The following PKD1L1 variants were observed in gnomAD, a reference collection of about 807,000 sequenced individuals.
PKD1L1 encodes the protein polycystin-1-like protein 1.
In PKD1L1, 236 loss-of-function variants were observed where a neutral mutation model predicts 323.4. The observed-to-expected ratio is 0.73, with a 90% CI of 0.66 to 0.81. The LOEUF (loss-of-function observed/expected upper bound fraction) is 0.81, where lower values mean the gene tolerates loss of function less well. Ranked by LOEUF, PKD1L1 falls within the 40% of genes least tolerant of loss-of-function variation. The pLI, the probability that PKD1L1 is intolerant of heterozygous loss-of-function variation, is 0.00. For synonymous variants in PKD1L1, 1,344 were observed against 1,335.0 expected (o/e 1.01, Z -0.15); for missense variants, 3,320 against 3,508.0 (o/e 0.95, Z 1.35).
intron 15 of PKD1L1, among the ~76,000 whole-genome samples, chr7:47,892,671 C>A (rs1433937821): frequency 6.6e-6 from 1 of 152,080 alleles, no homozygotes; most frequent in Non-Finnish European, 1.5e-5. Flanking sequence ...ATCCATGTAA[C>A]AAAACTGCAC....
intron 41 of PKD1L1, 58 bp downstream of exon 41, chr7:47,833,032 A>G (rs1785379591): frequency 1.9e-5 from 30 of 1,544,852 alleles, no homozygotes; most frequent in East Asian, 4.6e-5. Context: ...GCCTCTCCCA[A>G]TGGCTGCAGG....
At chr7:47,958,392 A>G in the PKD1L1 span, among the ~76,000 whole-genome samples, 3 of 152,366 alleles carry the variant, frequency 2.0e-5, no homozygotes, top group South Asian at 4.1e-4. Flanking sequence ...ATCCACATGC[A>G]GAAGAATGAA....
chr7:47,956,081 T>C, the PKD1L1 span, among the ~76,000 whole-genome samples: 61 of 152,314 alleles, frequency 4.0e-4, 3 homozygotes, highest in South Asian at 0.012. Context: ...AAATACCCAG[T>C]GGCAAGATTA....
chr7:47,947,245 G>A (rs1030109437), intron 1 of PKD1L1, among the ~76,000 whole-genome samples: 3 of 152,206 alleles, frequency 2.0e-5, no homozygotes, highest in Non-Finnish European at 4.4e-5. Flanking sequence ...AAATGATGGT[G>A]ATGGCACAAA....
At chr7:47,827,672 A>AT (rs1441535879) in intron 44 of PKD1L1, among the ~76,000 whole-genome samples, 4 of 152,170 alleles carry the variant, frequency 2.6e-5, no homozygotes, top group Admixed American at 1.3e-4. Context: ...CATTTTTAAA[A>AT]ATCTGCTCAT....
chr7:47,831,347 T>A lies in PKD1L1; in HGVS notation c.6343A>T (p.Ser2115Cys). The A allele has an allele frequency of 6.2e-7, 1 of 1,612,008 alleles. No homozygotes were observed. Among genetic ancestry groups the A allele is most frequent in the Non-Finnish European group, 8.5e-7 (1 of 1,179,294 alleles). ...GGCATTAGTCCCTCCAAACCACTGC[T>A]GGGTGCTGCGGAAGAGTAGGACAGA... ...HCCPPHTQAP[S>C]SGLEGLMPQW... The change falls in exon 42 of 57, where the codon AGC becomes TGC. Residue 2115 changes from serine to cysteine, a missense_variant. Physicochemically the swap from Ser to Cys is moderately radical, Grantham distance 112. Coordinates refer to ENST00000289672, the MANE Select transcript of PKD1L1 (RefSeq NM_138295.5).
chr7:47,848,873 T>C (rs970387666), intron 31 of PKD1L1, among the ~76,000 whole-genome samples: 1 of 152,124 alleles, frequency 6.6e-6, no homozygotes, highest in Admixed American at 6.5e-5. Flanking sequence ...AAAATTCATA[T>C]GGAATCACAT....
chr7:47,943,523 A>G lies in PKD1L1; in HGVS notation c.45-12T>C. The stretch of plus-strand genomic sequence containing the variant: ...CAGCCTGGAGACACCTAAGGGAAAG[A>G]AAATAACCAGAGGAAAATTAAATTA... On this transcript the variant is annotated splice_polypyrimidine_tract_variant and intron_variant, in intron 1 of 56. Transcript: ENST00000289672. 1 of 1,602,608 alleles carries G rather than the reference A, an allele frequency of 6.2e-7. No homozygotes were observed. The highest frequency in any genetic ancestry group is 8.5e-7 in the Non-Finnish European group (1 of 1,170,366).
chr7:47,825,249 G>T (rs191745717), intron 45 of PKD1L1, among the ~76,000 whole-genome samples: 1 of 152,070 alleles, frequency 6.6e-6, no homozygotes, highest in African/African-American at 2.4e-5. Flanking sequence ...GGTCCTTTAG[G>T]CCAGGTGTGG....
Position 47,792,800 on chromosome 7 carries a change from G to T in PKD1L1, c.8356-3C>A, listed in dbSNP as rs921305386. 1.9e-6 allele frequency: 3 copies of T among 1,609,750 alleles called. No homozygotes were observed. In the African/African-American group the frequency reaches 4.0e-5, roughly 22 times the overall value. On this transcript the variant is annotated splice_region_variant and splice_polypyrimidine_tract_variant and intron_variant, in intron 55 of 56. Coordinates refer to ENST00000289672, the MANE Select transcript of PKD1L1 (RefSeq NM_138295.5). ...GCAAATTCATCCAAGTAGTAATTCT[G>T]AAGGGAAGAAAATTAGATTAGTAAA...
intron 2 of PKD1L1, among the ~76,000 whole-genome samples, chr7:47,942,519 G>A (rs999607459): frequency 1.4e-5 from 2 of 146,492 alleles, no homozygotes; most frequent in Non-Finnish European, 3.0e-5. Context: ...TTAAAAATCC[G>A]TTTCTCAGGT....
In PKD1L1 at chr7:47,836,985, G is replaced by T. The variant is rs778907379; in HGVS notation, c.5879C>A (p.Ser1960Tyr). The T allele has an allele frequency of 2.0e-5, 33 of 1,614,106 alleles. No homozygotes were observed. The South Asian group carries it at 2.9e-4, about 14-fold the overall frequency. ...CGCGTAGACGCACAGCAGGGAGAAGGACACGGTGAGGCGCGGCGTGTGCAG... is the reference window on the plus strand; with the variant it reads ...CGCGTAGACGCACAGCAGGGAGAAGTACACGGTGAGGCGCGGCGTGTGCAG... ...RYLHTPRLTV[S>Y]FSLLCVYACL... is the part of the protein sequence containing the mutation. The change falls in exon 37 of 57, where the codon TCC (serine) becomes TAC (tyrosine). Residue 1960 changes from serine (S) to tyrosine (Y), a missense_variant. Transcript: ENST00000289672.
upstream of PKD1L1, among the ~76,000 whole-genome samples, chr7:47,949,189 T>C (rs1368290754): frequency 6.6e-6 from 1 of 151,520 alleles, no homozygotes; most frequent in Admixed American, 6.6e-5. Flanking sequence ...GCCAGCATAG[T>C]GAAACCCCGT....
rs151099037 is a variant in PKD1L1 at position 47,940,214 on chromosome 7, G to T, written c.264C>A (p.Ser88=). Residue 88 remains serine, a synonymous_variant, in exon 3 of 57, where the codon TCC becomes TCA. Coordinates refer to ENST00000289672, the MANE Select transcript of PKD1L1 (RefSeq NM_138295.5). ...KAEDRESQSP[S]SSASRQKNIW... ...ATACCTTCTGCCTGGAAGCTGATGA[G>T]GATGGGCTCTGTGATTCCCGGTCTT... 74 of 1,614,210 alleles carry T rather than the reference G, an allele frequency of 4.6e-5. No homozygotes were observed. The African/African-American group carries it at 9.2e-4, about 20-fold the overall frequency.
At position 47,928,292 on chromosome 7, in the gene PKD1L1, G is replaced by A. The variant is rs564021129; in HGVS notation, c.1060+912C>T. Among the ~76,000 whole-genome samples the A allele has an allele frequency of 2.0e-3, 305 of 152,326 alleles. 3 individuals are homozygous for A. Among genetic ancestry groups the A allele is most frequent in the African/African-American group, 6.9e-3 (285 of 41,568 alleles). ...TTAAAAACAAAAGGCCGGGGGGGAA[G>A]GTGCAGTGGCTCACACCTGTAATCC... On this transcript the variant is annotated intron_variant, in intron 7 of 56. Coordinates refer to ENST00000289672, the MANE Select transcript of PKD1L1 (RefSeq NM_138295.5).
Position 47,904,599 on chromosome 7 carries a change from C to G in PKD1L1, c.1710G>C (p.Lys570Asn). 1.2e-6 allele frequency: 2 copies of G among 1,613,296 alleles called. No homozygotes were observed. Among genetic ancestry groups the G allele is most frequent in the Non-Finnish European group, 1.7e-6 (2 of 1,179,386 alleles). The change falls in exon 12 of 57, where the codon AAG becomes AAC. Residue 570 changes from lysine (K) to asparagine (N), a missense_variant. Transcript: ENST00000289672. ...SIPQWYRVMV[K>N]ASNRMSSVVS... is the part of the protein sequence containing the mutation. ...CCACACTGCTCATCCTGTTGGAAGC[C>G]TTAACCATCACACGATACCTGCAGG... is the stretch of plus-strand genomic sequence containing the variant.
At chr7:47,806,255 C>T (rs539895278) in intron 52 of PKD1L1, among the ~76,000 whole-genome samples, 3 of 152,300 alleles carry the variant, frequency 2.0e-5, no homozygotes, top group African/African-American at 7.2e-5. Context: ...CACTCTGCCC[C>T]CTATTCCTGA....
chr7:47,847,382 T>C (rs1785688252), intron 31 of PKD1L1, among the ~76,000 whole-genome samples: 1 of 152,184 alleles, frequency 6.6e-6, no homozygotes, highest in Admixed American at 6.5e-5. Flanking sequence ...CCACACCCCC[T>C]GACCTTAGTG....
At chr7:47,935,838 C>T (rs1787857887) in intron 4 of PKD1L1, among the ~76,000 whole-genome samples, 1 of 152,252 alleles carries the variant, frequency 6.6e-6, no homozygotes, top group African/African-American at 2.4e-5. Context: ...TCAGAAAGAA[C>T]TGTGATCAGT....
Sources: gnomAD v4.1 joint callset for allele counts (sites outside exome capture counted in the v4.1 genomes callset) on GRCh38, gnomAD v4.1.1 for gene constraint, MANE v1.5 for transcripts, NCBI Gene and HGNC (gene_info 2026-07-23, HGNC 2026-07-21) for gene names.